The following CPNE4 variants were observed in gnomAD, a reference collection of about 807,000 sequenced individuals.
CPNE4 encodes copine-4.
Under a neutral mutation model 67.9 loss-of-function variants are expected in CPNE4, and 25 were observed. That is an observed-to-expected ratio of 0.37 (90% CI 0.27 to 0.51). The LOEUF (loss-of-function observed/expected upper bound fraction) is 0.51, where lower values mean the gene tolerates loss of function less well. CPNE4 is among the 20% of genes least tolerant of loss of function. The pLI, the probability that CPNE4 is intolerant of heterozygous loss-of-function variation, is 0.93. For synonymous variants in CPNE4, 242 were observed against 244.9 expected (o/e 0.99, Z 0.11); for missense variants, 464 against 690.8 (o/e 0.67, Z 3.68).
At chr3:131,785,762 T>C (rs1204334174) in intron 2 of CPNE4, among the ~76,000 whole-genome samples, 2 of 151,952 alleles carry the variant, frequency 1.3e-5, no homozygotes, top group African/African-American at 4.8e-5. Context: ...GCAGGAATTG[T>C]ATTTCTTGTG....
At chr3:131,950,106 T>C (rs1302844649) in intron 1 of CPNE4, among the ~76,000 whole-genome samples, 1 of 152,230 alleles carries the variant, frequency 6.6e-6, no homozygotes, top group Non-Finnish European at 1.5e-5. Flanking sequence ...ATTGAACCAT[T>C]ATTGTTGGGG....
intron 7 of CPNE4, among the ~76,000 whole-genome samples, chr3:131,649,770 C>T (rs529109754): frequency 6.6e-6 from 1 of 152,270 alleles, no homozygotes; most frequent in Admixed American, 6.5e-5. Flanking sequence ...ACAAAAGACC[C>T]TCTATTGGTC....
At chr3:132,026,443 A>G (rs968864683) in intron 1 of CPNE4, among the ~76,000 whole-genome samples, 5 of 152,228 alleles carry the variant, frequency 3.3e-5, no homozygotes, top group Admixed American at 6.5e-5. Flanking sequence ...TCCAAGCCCA[A>G]GAAGCAAAGA....
intron 3 of CPNE4, among the ~76,000 whole-genome samples, chr3:131,709,682 C>T (rs1363952018): frequency 1.3e-5 from 2 of 152,228 alleles, no homozygotes; most frequent in East Asian, 1.9e-4. Context: ...AAGCAAGTTA[C>T]TTCAAGGTTC....
intron 1 of CPNE4, among the ~76,000 whole-genome samples, chr3:131,953,994 TCA>T (rs2071859114): frequency 6.6e-6 from 1 of 152,158 alleles, no homozygotes; most frequent in Non-Finnish European, 1.5e-5. Flanking sequence ...TATCAAAATA[TCA>T]CATACACCCC....
At chr3:131,811,269 CT>C (rs1237897480) in intron 2 of CPNE4, among the ~76,000 whole-genome samples, 2 of 151,842 alleles carry the variant, frequency 1.3e-5, no homozygotes, top group Non-Finnish European at 2.9e-5. Flanking sequence ...TATTTATGGT[CT>C]TGATGATAGT....
chr3:131,591,576 G>A (rs1025362889), intron 7 of CPNE4, among the ~76,000 whole-genome samples: 3 of 152,204 alleles, frequency 2.0e-5, no homozygotes, highest in Non-Finnish European at 4.4e-5. Context: ...TGAGCTGGAG[G>A]ATGAGTCAGG....
intron 1 of CPNE4, among the ~76,000 whole-genome samples, chr3:132,027,239 C>G (rs1029866164): frequency 2.0e-5 from 3 of 152,096 alleles, no homozygotes; most frequent in Non-Finnish European, 2.9e-5. Context: ...GAACCCCAGG[C>G]CCAGGAGTGA....
intron 2 of CPNE4, among the ~76,000 whole-genome samples, chr3:131,766,288 A>G (rs1189459088): frequency 1.8e-4 from 1 of 5,646 alleles, no homozygotes; most frequent in African/African-American, 2.4e-4. Context: ...GATTAAGCAA[A>G]GTGTTTTACA....
intron 2 of CPNE4, among the ~76,000 whole-genome samples, chr3:131,774,099 C>G (rs539111473): frequency 1.3e-5 from 2 of 152,204 alleles, no homozygotes; most frequent in East Asian, 1.9e-4. Flanking sequence ...ATTGCCTGTT[C>G]AATAGTCATT....
intron 2 of CPNE4, among the ~76,000 whole-genome samples, chr3:131,821,454 C>T (rs2084956387): frequency 6.6e-6 from 1 of 152,198 alleles, no homozygotes; most frequent in Admixed American, 6.5e-5. Flanking sequence ...GATGTAGCTG[C>T]TGCGATGTGT....
intron 3 of CPNE4, 57 bp downstream of exon 3, chr3:131,723,389 G>T: frequency 6.9e-7 from 1 of 1,447,408 alleles, no homozygotes; most frequent in Non-Finnish European, 9.6e-7. Context: ...AGGGAAAGGG[G>T]GCAGGAAGAA....
chr3:131,738,406 A>T (rs2082286550), intron 2 of CPNE4, among the ~76,000 whole-genome samples: 1 of 152,218 alleles, frequency 6.6e-6, no homozygotes, highest in Admixed American at 6.5e-5. Context: ...TCAAGAATTA[A>T]CCAGTGGGCG....
chr3:131,800,541 G>A (rs1458567199), intron 2 of CPNE4, among the ~76,000 whole-genome samples: 1 of 152,110 alleles, frequency 6.6e-6, no homozygotes, highest in East Asian at 1.9e-4. Flanking sequence ...AGAAAAGTAG[G>A]GACTCTCTCA....
intron 11 of CPNE4, among the ~76,000 whole-genome samples, chr3:131,559,700 A>C (rs1936657369): frequency 6.6e-6 from 1 of 152,016 alleles, no homozygotes; most frequent in African/African-American, 2.4e-5. Flanking sequence ...ATTAGGATAA[A>C]ATTTTGGAGG....
At chr3:131,553,651 T>C (rs1354929581) in intron 12 of CPNE4, among the ~76,000 whole-genome samples, 1 of 152,106 alleles carries the variant, frequency 6.6e-6, no homozygotes, top group Non-Finnish European at 1.5e-5. Context: ...CTTCCCAACC[T>C]CTATTGTGGT....
At chr3:131,819,085 G>A (rs1329911355) in intron 2 of CPNE4, among the ~76,000 whole-genome samples, 3 of 152,104 alleles carry the variant, frequency 2.0e-5, no homozygotes, top group Admixed American at 2.0e-4. Flanking sequence ...GGGTGACAGA[G>A]CAAGACTCCA....
intron 2 of CPNE4, among the ~76,000 whole-genome samples, chr3:131,893,202 C>T (rs944151676): frequency 1.5e-5 from 2 of 131,934 alleles, no homozygotes; most frequent in Non-Finnish European, 3.6e-5. Flanking sequence ...ATAAAGTAGA[C>T]TTTAAGTAGA....
At chr3:131,658,333 A>G (rs778469274) in intron 7 of CPNE4, among the ~76,000 whole-genome samples, 4 of 152,162 alleles carry the variant, frequency 2.6e-5, no homozygotes, top group Non-Finnish European at 5.9e-5. Flanking sequence ...TGTAGGCAAC[A>G]TGAGGAGGCA....
Sources: gnomAD v4.1 joint callset for allele counts (sites outside exome capture counted in the v4.1 genomes callset) on GRCh38, gnomAD v4.1.1 for gene constraint, MANE v1.5 for transcripts, NCBI Gene and HGNC (gene_info 2026-07-23, HGNC 2026-07-21) for gene names.